ADAMTSL3: variants seen among roughly 807,000 people sequenced by gnomAD.
The protein encoded by ADAMTSL3 is ADAMTS-like protein 3.
ADAMTSL3 carries 128 observed loss-of-function variants against 201.7 expected under a neutral mutation model. The ratio of observed to expected loss-of-function variants is 0.63; its 90% CI spans 0.55 to 0.73. The LOEUF (loss-of-function observed/expected upper bound fraction) is 0.73. Ranked by LOEUF, ADAMTSL3 falls within the 30% of genes least tolerant of loss-of-function variation. The pLI is 0.00. For missense variants in ADAMTSL3, 1,990 were observed against 2,119.6 expected, an observed-to-expected ratio of 0.94 and a Z score of 1.20; for synonymous variants, 738 against 748.4, an observed-to-expected ratio of 0.99 and a Z score of 0.23.
intron 27 of ADAMTSL3, among the ~76,000 whole-genome samples, chr15:84,030,843 C>T (rs371686345): frequency 3.9e-4 from 60 of 152,246 alleles, no homozygotes; most frequent in African/African-American, 1.3e-3. Context: ...TGGATCATGG[C>T]GACAGTTTCC....
At chr15:83,678,500 T>C (rs1469568443) in intron 2 of ADAMTSL3, among the ~76,000 whole-genome samples, 1 of 151,924 alleles carries the variant, frequency 6.6e-6, no homozygotes, top group Non-Finnish European at 1.5e-5. Flanking sequence ...AAATTTAATG[T>C]TATTCAAATT....
At position 83,913,011 on chromosome 15, in the gene ADAMTSL3, T is replaced by A. The variant is rs144092525; in HGVS notation, c.1701-81T>A. On this transcript the variant is annotated intron_variant, in intron 15 of 29. Transcript: ENST00000286744. ...TGAAGCTGGTTATTTTTGCCTTCGT[T>A]GAATGTGTCACTCCTCCTTTTCTGG... 12 of 1,472,980 alleles carry A rather than the reference T, an allele frequency of 8.1e-6. No homozygotes were observed. The Admixed American group carries it at 1.4e-4, about 18-fold the overall frequency. 91.2% of individuals were successfully genotyped at this position (1,472,980 alleles called of 1,614,324 possible).
intron 20 of ADAMTSL3, among the ~76,000 whole-genome samples, chr15:83,970,954 A>G (rs2067185030): frequency 6.6e-6 from 1 of 152,228 alleles, no homozygotes; most frequent in African/African-American, 2.4e-5. Context: ...GTTAAGCCAA[A>G]ATACCTCCTG....
chr15:83,955,228 A>G (rs757595805), intron 19 of ADAMTSL3, among the ~76,000 whole-genome samples: 35 of 152,190 alleles, frequency 2.3e-4, no homozygotes, highest in Non-Finnish European at 4.3e-4. Flanking sequence ...CACTGAAACC[A>G]TACAACAAAA....
chr15:84,025,430 G>A lies in ADAMTSL3; in HGVS notation c.4650G>A (p.Gly1550=), dbSNP rs1220579382. 1.2e-6 allele frequency: 2 copies of A among 1,613,692 alleles called. No individual in the cohort carries two copies. Among genetic ancestry groups the A allele is most frequent in the Admixed American group, 1.7e-5 (1 of 59,964 alleles). ...ATCCATGTGTTCAGTGGGAACCAGG[G>A]AACCGGGTAAAGCTAACACATCTAG... The part of the protein sequence containing the change: ...FGHPCVQWEP[G]NRCPGRCMGR... Residue 1550 remains glycine, a synonymous_variant, in exon 27 of 30, where the codon GGG becomes GGA. Transcript: ENST00000286744.
At chr15:83,933,050 T>C (rs563471675) in intron 17 of ADAMTSL3, among the ~76,000 whole-genome samples, 1 of 152,212 alleles carries the variant, frequency 6.6e-6, no homozygotes. Flanking sequence ...AACTTTCTAT[T>C]TGGTCAAAAA....
chr15:83,856,782 A>G (rs2064744673), intron 7 of ADAMTSL3, among the ~76,000 whole-genome samples: 1 of 152,114 alleles, frequency 6.6e-6, no homozygotes. Context: ...CAATGTACCA[A>G]TGTCTGTTTG....
chr15:83,838,891 C>G (rs1014725621), intron 7 of ADAMTSL3, among the ~76,000 whole-genome samples: 2 of 152,134 alleles, frequency 1.3e-5, no homozygotes. Context: ...GCTTTGCTGG[C>G]CATATAGTCT....
chr15:83,805,426 G>A (rs1380189838), intron 5 of ADAMTSL3, among the ~76,000 whole-genome samples: 2 of 151,934 alleles, frequency 1.3e-5, no homozygotes, highest in South Asian at 4.2e-4. Flanking sequence ...GCTTGGTGAT[G>A]TGTGCCTGTA....
At chr15:83,992,374 C>G (rs1007807920) in intron 23 of ADAMTSL3, among the ~76,000 whole-genome samples, 5 of 152,164 alleles carry the variant, frequency 3.3e-5, no homozygotes, top group African/African-American at 1.2e-4. Context: ...TTGGCCTATG[C>G]AGACTTTTGA....
intron 2 of ADAMTSL3, among the ~76,000 whole-genome samples, chr15:83,670,947 C>G (rs2061322418): frequency 6.6e-6 from 1 of 152,168 alleles, no homozygotes; most frequent in South Asian, 2.1e-4. Context: ...TTCTTTCACT[C>G]CTTTGACCTA....
intron 23 of ADAMTSL3, among the ~76,000 whole-genome samples, chr15:84,011,591 G>A (rs572598369): frequency 6.6e-6 from 1 of 152,096 alleles, no homozygotes; most frequent in Non-Finnish European, 1.5e-5. Context: ...CATTGTTCTG[G>A]AGACACTAAT....
chr15:84,013,749 C>T (rs995034483), intron 23 of ADAMTSL3, among the ~76,000 whole-genome samples: 14 of 152,158 alleles, frequency 9.2e-5, no homozygotes, highest in African/African-American at 2.7e-4. Context: ...GGCTAGGTGA[C>T]AGAGGGAGCC....
rs117561194 is a variant in ADAMTSL3 at position 83,770,460 on chromosome 15, G to A, written c.190-3063G>A. On this transcript the variant is annotated intron_variant, in intron 3 of 29. Coordinates refer to ENST00000286744, the MANE Select transcript of ADAMTSL3 (RefSeq NM_207517.3). The stretch of plus-strand genomic sequence containing the variant: ...CTATATACCTCCAGCCTACATACGC[G>A]TTCTTTTACTGGTACATTTTGCGTA... Among the ~76,000 whole-genome samples the A allele has an allele frequency of 3.0e-3, 451 of 152,174 alleles. 2 individuals are homozygous for A. Among genetic ancestry groups the A allele is most frequent in the Non-Finnish European group, 5.3e-3 (361 of 68,008 alleles).
At chr15:83,884,075 G>C (rs1280281074) in intron 9 of ADAMTSL3, among the ~76,000 whole-genome samples, 3 of 150,770 alleles carry the variant, frequency 2.0e-5, no homozygotes, top group African/African-American at 7.3e-5. Flanking sequence ...GTATTTTTTA[G>C]TAGAGACCAG....
intron 5 of ADAMTSL3, 61 bp from the exon 6 acceptor site, chr15:83,819,750 C>T: frequency 7.4e-7 from 1 of 1,353,550 alleles, no homozygotes; most frequent in Non-Finnish European, 1.1e-6. Context: ...GAACTTATTT[C>T]ATCTTCTCTT....
intron 6 of ADAMTSL3, among the ~76,000 whole-genome samples, chr15:83,822,943 G>C (rs974394319): frequency 1.3e-5 from 2 of 152,080 alleles, no homozygotes; most frequent in African/African-American, 4.8e-5. Flanking sequence ...CTGCAATCCC[G>C]GCACCTCGGG....
At chr15:83,848,736 T>C (rs2064551650) in intron 7 of ADAMTSL3, among the ~76,000 whole-genome samples, 1 of 152,246 alleles carries the variant, frequency 6.6e-6, no homozygotes. Context: ...ATTGTCTTAA[T>C]TATAGAAATG....
At chr15:83,837,447 G>A (rs927519490) in intron 6 of ADAMTSL3, among the ~76,000 whole-genome samples, 1 of 152,050 alleles carries the variant, frequency 6.6e-6, no homozygotes, top group Non-Finnish European at 1.5e-5. Context: ...GGGCTGGGGA[G>A]AGAGGAAACG....
Sources: allele counts gnomAD v4.1 joint callset (sites outside exome capture counted in the v4.1 genomes callset), GRCh38; gene constraint gnomAD v4.1.1; transcripts MANE v1.5; gene names NCBI Gene and HGNC (gene_info 2026-07-23, HGNC 2026-07-21).